SLC16A7: variants seen among roughly 807,000 people sequenced by gnomAD.
SLC16A7 encodes monocarboxylate transporter 2.
In SLC16A7, 33 loss-of-function variants were observed where a neutral mutation model predicts 34.9. The observed-to-expected ratio is 0.94, with a 90% CI of 0.72 to 1.26. SLC16A7 has a LOEUF of 1.26. SLC16A7 is among the 50% of genes most tolerant of loss of function. SLC16A7 has a pLI of 0.00. For missense variants in SLC16A7, 573 were observed against 578.1 expected (o/e 0.99, Z 0.09); for synonymous variants, 201 against 206.6 (o/e 0.97, Z 0.23).
intron 3 of SLC16A7, among the ~76,000 whole-genome samples, chr12:59,726,829 T>A (rs1876303462): frequency 6.6e-6 from 1 of 151,874 alleles, no homozygotes; most frequent in Admixed American, 6.6e-5. Context: ...ATATACATAA[T>A]CTGAAAAAAA....
At chr12:59,668,115 G>A (rs528091072) in intron 2 of SLC16A7, among the ~76,000 whole-genome samples, 39 of 152,350 alleles carry the variant, frequency 2.6e-4, no homozygotes, top group African/African-American at 8.9e-4. Flanking sequence ...GGGCCCTCAT[G>A]GAGAATCTCT....
At chr12:59,625,995 T>C (rs1879912409) in intron 1 of SLC16A7, among the ~76,000 whole-genome samples, 1 of 151,864 alleles carries the variant, frequency 6.6e-6, no homozygotes, top group Admixed American at 6.6e-5. Context: ...GTGTGTAACA[T>C]CTAAAATTTT....
intron 3 of SLC16A7, among the ~76,000 whole-genome samples, chr12:59,718,220 T>G (rs1053223620): frequency 6.6e-6 from 1 of 152,160 alleles, no homozygotes; most frequent in Non-Finnish European, 1.5e-5. Flanking sequence ...GAGGTCTTCC[T>G]TTTTCCACTG....
chr12:59,700,963 T>C (rs1199598979), intron 2 of SLC16A7, among the ~76,000 whole-genome samples: 2 of 151,746 alleles, frequency 1.3e-5, no homozygotes, highest in Admixed American at 6.6e-5. Flanking sequence ...AGGTACTCCA[T>C]GCAATTTTTT....
intron 1 of SLC16A7, among the ~76,000 whole-genome samples, chr12:59,647,848 G>T (rs1036063935): frequency 8.6e-5 from 13 of 151,862 alleles, no homozygotes; most frequent in East Asian, 3.9e-4. Flanking sequence ...TTTGAGATCA[G>T]CCTGGGCAAC....
chr12:59,613,059 C>T (rs966469481), intron 1 of SLC16A7, among the ~76,000 whole-genome samples: 13 of 152,282 alleles, frequency 8.5e-5, no homozygotes, highest in Non-Finnish European at 1.2e-4. Context: ...AATATGTTCT[C>T]GTGCTGCTAT....
intron 3 of SLC16A7, among the ~76,000 whole-genome samples, chr12:59,750,495 C>G (rs1384136872): frequency 6.6e-6 from 1 of 152,098 alleles, no homozygotes; most frequent in Non-Finnish European, 1.5e-5. Context: ...AAATGCAAAT[C>G]AAAACCACAA....
chr12:59,625,543 A>G (rs1879888911), intron 1 of SLC16A7, among the ~76,000 whole-genome samples: 1 of 151,814 alleles, frequency 6.6e-6, no homozygotes, highest in Non-Finnish European at 1.5e-5. Flanking sequence ...GTGTGACTCA[A>G]TTTCTTCATC....
intron 3 of SLC16A7, chr12:59,761,201 A>G (rs1445285646): frequency 1.6e-6 from 2 of 1,231,906 alleles, no homozygotes; most frequent in African/African-American, 3.1e-5. Context: ...GATCATGCCT[A>G]GGTACATGAA....
chr12:59,750,318 C>T (rs1025403192), intron 3 of SLC16A7, among the ~76,000 whole-genome samples: 7 of 151,932 alleles, frequency 4.6e-5, no homozygotes, highest in South Asian at 2.1e-4. Flanking sequence ...TCTATCCATC[C>T]GACAAAGGGC....
At chr12:59,738,415 GGCT>G (rs1438532691) in intron 3 of SLC16A7, among the ~76,000 whole-genome samples, 10 of 152,226 alleles carry the variant, frequency 6.6e-5, no homozygotes, top group Non-Finnish European at 1.5e-4. Flanking sequence ...CTGAGGGCTG[GGCT>G]GCTATTTCTC....
chr12:59,642,585 A>G (rs1241622563), intron 1 of SLC16A7, among the ~76,000 whole-genome samples: 1 of 152,106 alleles, frequency 6.6e-6, no homozygotes, highest in Non-Finnish European at 1.5e-5. Flanking sequence ...AAGAATGAAG[A>G]TGGATCTGAT....
chr12:59,651,149 A>G lies in SLC16A7; in HGVS notation c.-129-4003A>G, dbSNP rs142991158. On this transcript the variant is annotated intron_variant, in intron 1 of 5. Transcript: ENST00000547379. ...TGCTCCTCTTCGTGGTTAATTTTCAATACACCACTAAACAAATTATATTTT... is the reference window on the plus strand; with the variant it reads ...TGCTCCTCTTCGTGGTTAATTTTCAGTACACCACTAAACAAATTATATTTT... Among the ~76,000 whole-genome samples the G allele has an allele frequency of 6.0e-3, 911 of 152,252 alleles. 9 individuals carry two copies. Among genetic ancestry groups the G allele is most frequent in the African/African-American group, 0.021 (856 of 41,562 alleles).
intron 3 of SLC16A7, among the ~76,000 whole-genome samples, chr12:59,756,221 C>A (rs1565700081): frequency 6.6e-6 from 1 of 151,866 alleles, no homozygotes; most frequent in African/African-American, 2.4e-5. Flanking sequence ...TCTAAAACAC[C>A]AAAGCAATGG....
At chr12:59,604,908 A>G (rs975718209) in intron 1 of SLC16A7, among the ~76,000 whole-genome samples, 6 of 152,140 alleles carry the variant, frequency 3.9e-5, no homozygotes, top group Non-Finnish European at 7.4e-5. Context: ...GTGCAGTGGC[A>G]CAATCTTGGC....
intron 3 of SLC16A7, among the ~76,000 whole-genome samples, chr12:59,708,379 C>A (rs1873827818): frequency 6.6e-6 from 1 of 152,112 alleles, no homozygotes; most frequent in Non-Finnish European, 1.5e-5. Context: ...AAAACAACTT[C>A]ACTTTATATA....
intron 3 of SLC16A7, among the ~76,000 whole-genome samples, chr12:59,735,234 A>G (rs1877455140): frequency 6.6e-6 from 1 of 152,152 alleles, no homozygotes; most frequent in African/African-American, 2.4e-5. Flanking sequence ...TTTTGCTCCT[A>G]GGAAACTTCA....
At chr12:59,652,640 C>G (rs982515744) in intron 1 of SLC16A7, among the ~76,000 whole-genome samples, 8 of 151,806 alleles carry the variant, frequency 5.3e-5, no homozygotes, top group African/African-American at 1.9e-4. Context: ...ATTAACCTAG[C>G]CTTCCAAAGG....
At chr12:59,618,924 T>C (rs978765855) in intron 1 of SLC16A7, among the ~76,000 whole-genome samples, 13 of 152,194 alleles carry the variant, frequency 8.5e-5, no homozygotes, top group Middle Eastern at 3.4e-3. Flanking sequence ...ATATAAAGTT[T>C]AATGCTGATA....
Sources: gnomAD v4.1 joint callset for allele counts (sites outside exome capture counted in the v4.1 genomes callset) on GRCh38, gnomAD v4.1.1 for gene constraint, MANE v1.5 for transcripts, NCBI Gene and HGNC (gene_info 2026-07-23, HGNC 2026-07-21) for gene names.